Variants in BABAM2 observed in about 807,000 individuals in gnomAD.
BABAM2 encodes the protein BRISC and BRCA1 A complex member 2, also known as BRISC and BRCA1-A complex member 2.
Under a neutral mutation model 54.7 loss-of-function variants are expected in BABAM2, and 31 were observed. The observed-to-expected ratio is 0.57, with a 90% CI of 0.43 to 0.77. The LOEUF (loss-of-function observed/expected upper bound fraction) is 0.77, where lower values mean the gene tolerates loss of function less well. Among genes scored for constraint, BABAM2 ranks in the 30% least tolerant of loss-of-function variants. BABAM2 has a pLI of 0.00. For missense variants in BABAM2, 364 were observed against 455.8 expected, an observed-to-expected ratio of 0.80 and a Z score of 1.83; for synonymous variants, 167 against 162.9, an observed-to-expected ratio of 1.03 and a Z score of -0.19.
chr2:28,220,832 G>A (rs1362608354), intron 7 of BABAM2, among the ~76,000 whole-genome samples: 1 of 152,148 alleles, frequency 6.6e-6, no homozygotes, highest in Non-Finnish European at 1.5e-5. Flanking sequence ...TGAGGTAGGA[G>A]GATCACTTGA....
At chr2:28,176,568 T>TAAAAAAAAAAAAAAA in intron 7 of BABAM2, among the ~76,000 whole-genome samples, 1 of 570 alleles carries the variant, frequency 1.8e-3, no homozygotes. Flanking sequence ...AGACTCTATC[T>TAAAAAAAAAAAAAAA]CAAAAAAAAA....
At chr2:28,198,417 C>T (rs1484590656) in intron 7 of BABAM2, among the ~76,000 whole-genome samples, 1 of 152,046 alleles carries the variant, frequency 6.6e-6, no homozygotes, top group African/African-American at 2.4e-5. Flanking sequence ...CCACCCACCT[C>T]AGCCTCCCAA....
At chr2:28,142,243 A>G (rs1391367883) in intron 7 of BABAM2, among the ~76,000 whole-genome samples, 1 of 152,178 alleles carries the variant, frequency 6.6e-6, no homozygotes, top group African/African-American at 2.4e-5. Flanking sequence ...CATTAGCAAC[A>G]CTAATGACTT....
chr2:28,260,299 CTTTTTTTTTTT>C lies in BABAM2; in HGVS notation c.934+15447_934+15457del, dbSNP rs965855673. Reference sequence around the variant, plus strand: ...AGTTTTTTAACTTTGTATTTCTTTTCTTTTTTTTTTTTTTTTTTTTGACATGGAGTCTTGCT... The same window carrying C: ...AGTTTTTTAACTTTGTATTTCTTTTCTTTTTTTTTGACATGGAGTCTTGCT... On this transcript the variant is annotated intron_variant, in intron 10 of 11. Coordinates refer to ENST00000379624, the MANE Select transcript of BABAM2 (RefSeq NM_199191.3). Among the ~76,000 whole-genome samples, 33 of 120,424 alleles carry C rather than the reference CTTTTTTTTTTT, an allele frequency of 2.7e-4. 1 individual carries two copies. The South Asian group carries it at 7.6e-3, about 28-fold the overall frequency. 79.0% of individuals were successfully genotyped at this position (120,424 alleles called of 152,430 possible).
At chr2:28,310,439 A>C in intron 11 of BABAM2, 2 of 324,816 alleles carry the variant, frequency 6.2e-6, no homozygotes, top group Non-Finnish European at 1.1e-5. Flanking sequence ...CTTTGGTTCC[A>C]CTGGAAGCTT....
chr2:28,024,772 C>T (rs976171563), intron 4 of BABAM2, among the ~76,000 whole-genome samples: 2 of 152,014 alleles, frequency 1.3e-5, no homozygotes, highest in African/African-American at 4.8e-5. Flanking sequence ...GTTTACAGAG[C>T]GTTTATTTAT....
At chr2:28,158,724 T>A (rs1027613540) in intron 7 of BABAM2, among the ~76,000 whole-genome samples, 1 of 152,268 alleles carries the variant, frequency 6.6e-6, no homozygotes, top group African/African-American at 2.4e-5. Flanking sequence ...CACTTGTTAA[T>A]CTTACTTATC....
rs565918030 is a variant in BABAM2, at chr2:28,206,830, G to T, written c.681-30372G>T. ...GTTTACTACTCTTACAACATTATTT[G>T]CCACTACTCTTACAAGTCCTTGCCA... is the stretch of plus-strand genomic sequence containing the variant. On this transcript the variant is annotated intron_variant, in intron 7 of 11. Coordinates refer to ENST00000379624, the MANE Select transcript of BABAM2 (RefSeq NM_199191.3). Among the ~76,000 whole-genome samples, 7 of 152,234 alleles carry T rather than the reference G, an allele frequency of 4.6e-5. No individual in the cohort carries two copies. In the South Asian group the frequency reaches 1.5e-3, roughly 32 times the overall value.
intron 7 of BABAM2, among the ~76,000 whole-genome samples, chr2:28,181,796 A>T (rs200100765): frequency 0.073 from 10,999 of 151,004 alleles, 455 homozygotes; most frequent in African/African-American, 0.1. Flanking sequence ...TTTTTTTTTA[A>T]AAAAAAAAGA....
chr2:27,960,807 T>C (rs1220036837), intron 3 of BABAM2, among the ~76,000 whole-genome samples: 2 of 152,182 alleles, frequency 1.3e-5, no homozygotes, highest in African/African-American at 4.8e-5. Context: ...CAATGCTTTT[T>C]CCACTTCACA....
intron 7 of BABAM2, among the ~76,000 whole-genome samples, chr2:28,184,478 C>G (rs1676056489): frequency 1.6e-5 from 2 of 125,532 alleles, no homozygotes; most frequent in Admixed American, 1.7e-4. Flanking sequence ...TCCCTCCCCT[C>G]TCCCCCCACC....
intron 7 of BABAM2, among the ~76,000 whole-genome samples, chr2:28,198,319 A>G (rs1021106099): frequency 6.6e-6 from 1 of 152,004 alleles, no homozygotes; most frequent in African/African-American, 2.4e-5. Context: ...GCCCGCAAAA[A>G]ATGCCTGGCT....
chr2:27,938,996 A>G (rs899581531), intron 3 of BABAM2, among the ~76,000 whole-genome samples: 22 of 152,150 alleles, frequency 1.4e-4, no homozygotes, highest in African/African-American at 5.3e-4. Context: ...CTCTAGCACC[A>G]GGCTGGAGTG....
intron 6 of BABAM2, among the ~76,000 whole-genome samples, chr2:28,047,480 G>A (rs1231968720): frequency 2.6e-5 from 4 of 152,158 alleles, no homozygotes; most frequent in Non-Finnish European, 4.4e-5. Flanking sequence ...ATCAGTTTCA[G>A]CAGTCTTCCT....
intron 7 of BABAM2, among the ~76,000 whole-genome samples, chr2:28,216,034 C>G (rs1292873050): frequency 6.6e-6 from 1 of 152,244 alleles, no homozygotes; most frequent in Admixed American, 6.5e-5. Context: ...CCTCTAAAAG[C>G]TTTGATGGTG....
chr2:28,242,296 T>C (rs1386767976), intron 9 of BABAM2, among the ~76,000 whole-genome samples: 2 of 152,166 alleles, frequency 1.3e-5, no homozygotes, highest in East Asian at 1.9e-4. Context: ...CAAGCACCGA[T>C]AGGGGAGAGG....
intron 7 of BABAM2, among the ~76,000 whole-genome samples, chr2:28,227,125 T>C (rs1680959669): frequency 6.6e-6 from 1 of 152,022 alleles, no homozygotes. Context: ...TGAGATTCAA[T>C]CTCAAAGCCC....
At chr2:28,204,874 C>G (rs574070808) in intron 7 of BABAM2, among the ~76,000 whole-genome samples, 1 of 152,038 alleles carries the variant, frequency 6.6e-6, no homozygotes, top group East Asian at 1.9e-4. Context: ...CGCAGCCCCC[C>G]GTATGGGCCT....
At chr2:28,168,575 A>G (rs1002190693) in intron 7 of BABAM2, among the ~76,000 whole-genome samples, 1 of 152,234 alleles carries the variant, frequency 6.6e-6, no homozygotes, top group Non-Finnish European at 1.5e-5. Context: ...ATAAAAAGGA[A>G]GTGGTTATGG....
Sources: gnomAD v4.1 joint callset for allele counts (sites outside exome capture counted in the v4.1 genomes callset) on GRCh38, gnomAD v4.1.1 for gene constraint, MANE v1.5 for transcripts, NCBI Gene and HGNC (gene_info 2026-07-23, HGNC 2026-07-21) for gene names.